The following SETBP1 variants were observed in gnomAD, a reference collection of about 807,000 sequenced individuals.
SETBP1 encodes the protein SET binding protein 1.
In SETBP1, 9 loss-of-function variants were observed where a neutral mutation model predicts 101.0. That is an observed-to-expected ratio of 0.09 (90% CI 0.05 to 0.16). The LOEUF (loss-of-function observed/expected upper bound fraction) is 0.16, where lower values mean the gene tolerates loss of function less well. Among genes scored for constraint, SETBP1 ranks in the 10% least tolerant of loss-of-function variants. The pLI is 1.00. For synonymous variants in SETBP1, 818 were observed against 788.5 expected, an observed-to-expected ratio of 1.04 and a Z score of -0.63; for missense variants, 1,858 against 2,033.8, an observed-to-expected ratio of 0.91 and a Z score of 1.66.
intron 4 of SETBP1, among the ~76,000 whole-genome samples, chr18:44,954,616 G>C (rs1054426794): frequency 9.2e-5 from 14 of 152,194 alleles, no homozygotes; most frequent in African/African-American, 3.4e-4. Flanking sequence ...ACCACTTAAA[G>C]ATCGCCCCAG....
At chr18:45,029,024 T>C (rs376243497) in intron 4 of SETBP1, among the ~76,000 whole-genome samples, 3 of 152,140 alleles carry the variant, frequency 2.0e-5, no homozygotes, top group Non-Finnish European at 4.4e-5. Flanking sequence ...AATTAGATCC[T>C]ATTTGTCAAT....
At chr18:44,855,163 C>T (rs1443280810) in intron 2 of SETBP1, among the ~76,000 whole-genome samples, 2 of 152,084 alleles carry the variant, frequency 1.3e-5, no homozygotes, top group South Asian at 2.1e-4. Context: ...TTTCTCTCTT[C>T]TTTTATTATA....
At chr18:44,759,591 G>A (rs137905472) in intron 2 of SETBP1, among the ~76,000 whole-genome samples, 64 of 152,272 alleles carry the variant, frequency 4.2e-4, no homozygotes, top group African/African-American at 1.4e-3. Flanking sequence ...TCCCCAAACA[G>A]TGTGTGTGGG....
At chr18:45,003,494 A>G (rs951926139) in intron 4 of SETBP1, among the ~76,000 whole-genome samples, 4 of 152,178 alleles carry the variant, frequency 2.6e-5, no homozygotes, top group Non-Finnish European at 5.9e-5. Context: ...ACCCAACACC[A>G]TCATGAACCA....
At chr18:45,005,748 G>A (rs982375655) in intron 4 of SETBP1, among the ~76,000 whole-genome samples, 1 of 145,526 alleles carries the variant, frequency 6.9e-6, no homozygotes, top group Non-Finnish European at 1.5e-5. Context: ...CCGGGTTCAC[G>A]CCATTCTGCT....
At chr18:44,841,276 G>A (rs2072610688) in intron 2 of SETBP1, among the ~76,000 whole-genome samples, 1 of 152,182 alleles carries the variant, frequency 6.6e-6, no homozygotes, top group Non-Finnish European at 1.5e-5. Flanking sequence ...CTTGGCAGGA[G>A]ACCTCCAGTT....
intron 2 of SETBP1, among the ~76,000 whole-genome samples, chr18:44,835,315 C>A (rs1329946108): frequency 6.6e-6 from 1 of 152,100 alleles, no homozygotes; most frequent in African/African-American, 2.4e-5. Context: ...TCAAACTAAG[C>A]CAGCCTTCAA....
intron 2 of SETBP1, among the ~76,000 whole-genome samples, chr18:44,849,368 C>T (rs2072798957): frequency 6.6e-6 from 1 of 152,174 alleles, no homozygotes; most frequent in African/African-American, 2.4e-5. Context: ...CTGGTCCTAT[C>T]ACTAACTAGC....
chr18:45,014,732 A>G (rs2072907924), intron 4 of SETBP1, among the ~76,000 whole-genome samples: 1 of 152,156 alleles, frequency 6.6e-6, no homozygotes. Context: ...TTGTGGTAAT[A>G]AAGGGTGAAT....
At chr18:45,013,067 A>G (rs894089882) in intron 4 of SETBP1, among the ~76,000 whole-genome samples, 1 of 152,240 alleles carries the variant, frequency 6.6e-6, no homozygotes, top group Non-Finnish European at 1.5e-5. Context: ...AGGCAAGGTG[A>G]TGGCTTTGTC....
intron 4 of SETBP1, among the ~76,000 whole-genome samples, chr18:44,970,448 G>A (rs1269113612): frequency 6.6e-6 from 1 of 152,186 alleles, no homozygotes; most frequent in Non-Finnish European, 1.5e-5. Flanking sequence ...TATTATTAAT[G>A]TATTGAACAC....
intron 2 of SETBP1, among the ~76,000 whole-genome samples, chr18:44,844,247 T>G (rs570186308): frequency 3.4e-4 from 52 of 152,220 alleles, no homozygotes; most frequent in African/African-American, 1.3e-3. Context: ...GTGAGGAATA[T>G]CAGCCCCCTT....
chr18:45,044,705 C>A (rs2073574043), intron 5 of SETBP1, among the ~76,000 whole-genome samples: 1 of 152,164 alleles, frequency 6.6e-6, no homozygotes, highest in Non-Finnish European at 1.5e-5. Context: ...AATTTCAACT[C>A]CTTTGGGATT....
chr18:45,038,946 A>C (rs1345964524), intron 5 of SETBP1, among the ~76,000 whole-genome samples: 1 of 152,140 alleles, frequency 6.6e-6, no homozygotes, highest in Non-Finnish European at 1.5e-5. Context: ...ACTCTTTATC[A>C]AGCCTTAGGA....
At chr18:44,869,590 C>T (rs566025510) in intron 3 of SETBP1, 62 of 348,802 alleles carry the variant, frequency 1.8e-4, no homozygotes, top group Admixed American at 4.6e-4. Flanking sequence ...AAACCAATGG[C>T]GGCAGAGGGT....
At chr18:45,016,950 T>C (rs1334751603) in intron 4 of SETBP1, among the ~76,000 whole-genome samples, 1 of 152,008 alleles carries the variant, frequency 6.6e-6, no homozygotes, top group Non-Finnish European at 1.5e-5. Context: ...TGCGTGGAAG[T>C]GTCATCTTTT....
chr18:45,024,639 C>T (rs924778658), intron 4 of SETBP1, among the ~76,000 whole-genome samples: 2 of 152,196 alleles, frequency 1.3e-5, no homozygotes, highest in African/African-American at 4.8e-5. Flanking sequence ...AGTCTTGCTA[C>T]AATGTAATGG....
At chr18:44,849,128 C>A (rs189258068) in intron 2 of SETBP1, among the ~76,000 whole-genome samples, 5 of 152,162 alleles carry the variant, frequency 3.3e-5, no homozygotes, top group Admixed American at 3.3e-4. Context: ...GCCAGAACGT[C>A]CCCCATCTGC....
intron 2 of SETBP1, among the ~76,000 whole-genome samples, chr18:44,763,520 T>A (rs989502184): frequency 2.0e-5 from 3 of 152,216 alleles, no homozygotes; most frequent in African/African-American, 7.2e-5. Context: ...GGAGCTGCGT[T>A]GTTTGCAGTT....
Sources: allele counts gnomAD v4.1 joint callset (sites outside exome capture counted in the v4.1 genomes callset), GRCh38; gene constraint gnomAD v4.1.1; transcripts MANE v1.5; gene names NCBI Gene and HGNC (gene_info 2026-07-23, HGNC 2026-07-21).